RNF17: variants seen among roughly 807,000 people sequenced by gnomAD.
RNF17 encodes the protein ring finger protein 17, also known as spermatogenesis associated 23.
Under a neutral mutation model 200.5 loss-of-function variants are expected in RNF17, and 31 were observed. That is an observed-to-expected ratio of 0.15 (90% CI 0.12 to 0.21). RNF17 has a LOEUF of 0.21. RNF17 is among the 10% of genes least tolerant of loss of function. The probability of loss-of-function intolerance (pLI) is 1.00; values close to 1 mark genes in which losing one functional copy is unlikely to be tolerated. For synonymous variants in RNF17, 606 were observed against 637.8 expected (o/e 0.95, Z 0.75); for missense variants, 1,628 against 1,905.1 (o/e 0.85, Z 2.71).
At chr13:24,850,629 CT>C (rs1376549970) in intron 23 of RNF17, among the ~76,000 whole-genome samples, 186 bp downstream of exon 23, 2 of 152,052 alleles carry the variant, frequency 1.3e-5, no homozygotes, top group African/African-American at 2.4e-5. Context: ...TCTTTGCTTT[CT>C]TTTTTCTAAT....
At chr13:24,754,670 C>A in the RNF17 span, among the ~76,000 whole-genome samples, 1 of 152,046 alleles carries the variant, frequency 6.6e-6, no homozygotes, top group Non-Finnish European at 1.5e-5. Flanking sequence ...CTGGGCAGAT[C>A]GCTTGAGACC....
At chr13:24,829,114 G>A (rs1183909800) in intron 16 of RNF17, among the ~76,000 whole-genome samples, 1 of 152,036 alleles carries the variant, frequency 6.6e-6, no homozygotes, top group East Asian at 1.9e-4. Context: ...CTCCAATTGG[G>A]CTGCTTACCC....
intron 15 of RNF17, among the ~76,000 whole-genome samples, chr13:24,811,664 G>C (rs1473057181): frequency 6.6e-6 from 1 of 152,126 alleles, no homozygotes; most frequent in African/African-American, 2.4e-5. Flanking sequence ...TCTCCGTCCC[G>C]CTTTGTTCTG....
chr13:24,882,665 T>G (rs1953894017), downstream of RNF17: 8 of 156,566 alleles, frequency 5.1e-5, no homozygotes, highest in Admixed American at 5.0e-4. Flanking sequence ...TTTATATTCA[T>G]CCACTGTTGT....
intron 8 of RNF17, 105 bp from the exon 9 acceptor site, chr13:24,789,593 A>G (rs1406152199): frequency 1.1e-6 from 1 of 922,776 alleles, no homozygotes; most frequent in Admixed American, 2.0e-5. Context: ...AAAGTTATTT[A>G]AATGTTTCCT....
the RNF17 span, among the ~76,000 whole-genome samples, chr13:24,747,828 G>GA: frequency 8.5e-5 from 13 of 152,390 alleles, no homozygotes; most frequent in African/African-American, 3.1e-4. Flanking sequence ...CCTCGGGAGA[G>GA]AAGGTGGAAG....
downstream of RNF17, among the ~76,000 whole-genome samples, chr13:24,881,005 T>C (rs1953798552): frequency 6.6e-6 from 1 of 152,210 alleles, no homozygotes; most frequent in African/African-American, 2.4e-5. Flanking sequence ...TCCATTTTTC[T>C]ATTGAGTTAT....
At chr13:24,862,408 T>C (rs1893189918) in intron 27 of RNF17, among the ~76,000 whole-genome samples, 2 of 152,226 alleles carry the variant, frequency 1.3e-5, no homozygotes. Context: ...CATTGGCATA[T>C]TGGTCTTTTT....
chr13:24,835,558 C>T (rs1200797238), intron 18 of RNF17, among the ~76,000 whole-genome samples: 3 of 152,094 alleles, frequency 2.0e-5, no homozygotes, highest in Admixed American at 6.5e-5. Context: ...GGTGGCTAGA[C>T]CCAGAAAGAG....
At chr13:24,799,654 T>A in intron 12 of RNF17, 70 bp downstream of exon 12, 1 of 931,272 alleles carries the variant, frequency 1.1e-6, no homozygotes, top group Non-Finnish European at 1.6e-6. Context: ...AGTTAAAGAA[T>A]AAAGGAAATT....
chr13:24,776,084 CAT>C (rs567348812), intron 3 of RNF17, among the ~76,000 whole-genome samples: 101 of 152,300 alleles, frequency 6.6e-4, no homozygotes, highest in African/African-American at 2.2e-3. Context: ...GGAAAAATCT[CAT>C]GTGGAACTTT....
At chr13:24,837,347 A>G (rs1199844618) in intron 18 of RNF17, among the ~76,000 whole-genome samples, 2 of 152,174 alleles carry the variant, frequency 1.3e-5, no homozygotes, top group Non-Finnish European at 2.9e-5. Context: ...ACTGGATTTA[A>G]ACTATACCTT....
At chr13:24,803,439 C>T (rs562298563) in intron 14 of RNF17, among the ~76,000 whole-genome samples, 3 of 150,868 alleles carry the variant, frequency 2.0e-5, no homozygotes, top group Admixed American at 2.0e-4. Flanking sequence ...GCTGGAATTG[C>T]AGGCACACGC....
At position 24,877,017 on chromosome 13, in the gene RNF17, A is replaced by G. The variant is rs534453741; in HGVS notation, c.4604A>G (p.His1535Arg). 7.3e-5 allele frequency: 116 copies of G among 1,598,586 alleles called. 1 individual carries two copies. In the South Asian group the frequency reaches 1.3e-3, roughly 18 times the overall value. Residue 1535 changes from histidine (H) to arginine (R), a missense_variant, in exon 34 of 36, where the codon CAT becomes CGT. This residue lies in a region of RNF17 where 609 missense variants were observed against 681.9 expected (regional missense o/e 0.89). Transcript: ENST00000255324. The part of the protein sequence containing the change: ...TLNRLCQIPS[H>R]LMRYPARAIK... ...GACAGACTGTGCCAAATTCCTTCTC[A>G]TCTTATGCGGTATCCAGCTCGAGCC...
chr13:24,781,226 A>G (rs9578784), intron 5 of RNF17, among the ~76,000 whole-genome samples: 26,605 of 151,962 alleles, frequency 0.18, 2,478 homozygotes, highest in South Asian at 0.32. Flanking sequence ...GTCCTATCAA[A>G]GAGAAATTCA....
intron 22 of RNF17, 134 bp downstream of exon 22, chr13:24,845,213 G>A: frequency 1.7e-6 from 1 of 583,386 alleles, no homozygotes; most frequent in South Asian, 2.3e-5. Flanking sequence ...GGGAAAGAGA[G>A]AAGTTTGGAG....
At chr13:24,882,183 TATAG>T (rs1164647174), downstream of RNF17, 3 of 2,978 alleles carry the variant, frequency 1.0e-3, no homozygotes, top group African/African-American at 1.6e-3. Flanking sequence ...GATACATCTA[TATAG>T]ATATATAGAT....
intron 27 of RNF17, among the ~76,000 whole-genome samples, chr13:24,861,809 C>T (rs1893128018): frequency 1.3e-5 from 2 of 152,202 alleles, no homozygotes; most frequent in Middle Eastern, 3.4e-3. Flanking sequence ...TTAGGAGTGG[C>T]TTAGCTGGTT....
At chr13:24,812,545 C>A (rs942628633) in intron 15 of RNF17, among the ~76,000 whole-genome samples, 1 of 152,126 alleles carries the variant, frequency 6.6e-6, no homozygotes, top group Non-Finnish European at 1.5e-5. Context: ...CACTGTCTGG[C>A]ACTCCCTAGT....
Sources: gnomAD v4.1 joint callset for allele counts (sites outside exome capture counted in the v4.1 genomes callset) on GRCh38, gnomAD v4.1.1 for gene constraint, gnomAD v4.1.1 regional missense constraint, MANE v1.5 for transcripts, NCBI Gene and HGNC (gene_info 2026-07-23, HGNC 2026-07-21) for gene names.